The following OSR1 variants were observed in gnomAD, a reference collection of about 807,000 sequenced individuals.
OSR1 encodes the protein odd-skipped related transcription factor 1, also known as protein odd-skipped-related 1.
A neutral mutation model predicts 15.7 loss-of-function variants in OSR1; 3 were observed. The observed-to-expected ratio is 0.19, with a 90% CI of 0.09 to 0.50. The LOEUF (loss-of-function observed/expected upper bound fraction) is 0.50. OSR1 is among the 20% of genes least tolerant of loss of function. The probability of loss-of-function intolerance (pLI) is 0.97; values close to 1 mark genes in which losing one functional copy is unlikely to be tolerated. For synonymous variants in OSR1, 166 were observed against 152.7 expected, an observed-to-expected ratio of 1.09 and a Z score of -0.64; for missense variants, 271 against 351.1, an observed-to-expected ratio of 0.77 and a Z score of 1.82.
chr2:19,349,668 T>C (rs1664797502), downstream of OSR1, among the ~76,000 whole-genome samples: 1 of 152,074 alleles, frequency 6.6e-6, no homozygotes, highest in Admixed American at 6.5e-5. Flanking sequence ...CTGCAGAGGC[T>C]CGATCTTCAG....
downstream of OSR1, among the ~76,000 whole-genome samples, chr2:19,347,113 T>C (rs1664745915): frequency 6.6e-6 from 1 of 152,214 alleles, no homozygotes; most frequent in Admixed American, 6.5e-5. Context: ...TCATTTCATT[T>C]CAGGATGCCT....
intron 1 of OSR1, 129 bp from the exon 2 acceptor site, chr2:19,353,966 A>G (rs1278837858): frequency 7.8e-6 from 6 of 766,162 alleles, no homozygotes; most frequent in Non-Finnish European, 1.2e-5. Context: ...AGAGTCTAAG[A>G]CCCCATTCCC....
chr2:19,357,386 T>A lies in OSR1; in HGVS notation c.-33+955A>T, dbSNP rs1664971943. ...CAACAAAGAAACCCTTGCGGCTACTTTACACATTGAGAACCCAACCCGCTA... is the reference window on the plus strand; with the variant it reads ...CAACAAAGAAACCCTTGCGGCTACTATACACATTGAGAACCCAACCCGCTA... On this transcript the variant is annotated intron_variant, in intron 1 of 2. Coordinates refer to ENST00000272223, the MANE Select transcript of OSR1 (RefSeq NM_145260.3). The surrounding 1 kb of genome is among the most constrained non-coding windows in gnomAD (Gnocchi z 5.0). Among the ~76,000 whole-genome samples the A allele has an allele frequency of 6.6e-6, 1 of 152,166 alleles. No homozygotes were observed. Among genetic ancestry groups the A allele is most frequent in the South Asian group, 2.1e-4 (1 of 4,826 alleles).
chr2:19,355,741 C>T (rs1360552803), intron 1 of OSR1: 1 of 152,250 alleles, frequency 6.6e-6, no homozygotes, highest in African/African-American at 2.4e-5. Flanking sequence ...TGAAGCAGAG[C>T]GCTGGTGCCG....
At position 19,357,147 on chromosome 2, in the gene OSR1, G is replaced by T. The variant is rs1207357322; in HGVS notation, c.-33+1194C>A. Among the ~76,000 whole-genome samples, 1 of 152,110 alleles carries T rather than the reference G, an allele frequency of 6.6e-6. No individual in the cohort carries two copies. The highest frequency in any genetic ancestry group is 6.5e-5 in the Admixed American group (1 of 15,270). ...CCGGCTGCACTTAAATGTCCGCTGC[G>T]TCCTCGGTGATCCATTCCCCAATCT... On this transcript the variant is annotated intron_variant, in intron 1 of 2. Coordinates refer to ENST00000272223, the MANE Select transcript of OSR1 (RefSeq NM_145260.3). This position sits in a 1 kb window ranked among gnomAD's most constrained non-coding sequence, Gnocchi z 5.0.
rs1360233952 is a variant in OSR1, at chr2:19,353,829, A to G, written c.-24T>C. The G allele has an allele frequency of 1.3e-6, 2 of 1,592,736 alleles. No homozygotes were observed. Among genetic ancestry groups the G allele is most frequent in the African/African-American group, 2.7e-5 (2 of 74,600 alleles). ...ATTTCGGTAGTTGCAGTGGCTTCTC[A>G]ATCCGGATCTGCAAAGAAAAGAAGA... On this transcript the variant is annotated 5_prime_UTR_variant, in exon 2 of 3. Coordinates refer to ENST00000272223, the MANE Select transcript of OSR1 (RefSeq NM_145260.3).
downstream of OSR1, among the ~76,000 whole-genome samples, chr2:19,351,278 G>GA (rs576077359): frequency 2.3e-4 from 35 of 152,236 alleles, no homozygotes; most frequent in African/African-American, 8.4e-4. Context: ...AGGCGGAGGA[G>GA]AAAAGTAGGA....
At position 19,352,338 on chromosome 2, in the gene OSR1, G is replaced by A. The variant is rs781026028; in HGVS notation, c.738C>T (p.Leu246=). ...CGKGFCQSRT[L]AVHKTLHSQV... ...GTGAGTGTAGCGTCTTGTGGACAGCGAGAGTCCTGGACTGGCAGAATCCTT... is the reference window on the plus strand; with the variant it reads ...GTGAGTGTAGCGTCTTGTGGACAGCAAGAGTCCTGGACTGGCAGAATCCTT... Residue 246 remains leucine (L), a synonymous_variant, in exon 3 of 3, where the codon CTC becomes CTT. Transcript: ENST00000272223. 2 of 1,614,110 alleles carry A rather than the reference G, an allele frequency of 1.2e-6. No homozygotes were observed. The highest frequency in any genetic ancestry group is 2.2e-5 in the East Asian group (1 of 44,874).
rs867245773 is a variant in OSR1 at position 19,352,398 on chromosome 2, G to A, written c.678C>T (p.Ser226=). The part of the protein sequence containing the change: ...DHLRDHRYIH[S]KEKPFKCQEC... Reference sequence around the variant, plus strand: ...CTTGACACTTGAAGGGCTTCTCTTTGGAGTGAATATATCTGAGGGCAGAAA... The same window carrying A: ...CTTGACACTTGAAGGGCTTCTCTTTAGAGTGAATATATCTGAGGGCAGAAA... The change falls in exon 3 of 3, where the codon TCC becomes TCT. Residue 226 remains serine (S), a synonymous_variant. Transcript: ENST00000272223. 12 of 1,614,156 alleles carry A rather than the reference G, an allele frequency of 7.4e-6. No homozygotes were observed. In the Middle Eastern group the frequency reaches 1.8e-3, roughly 244 times the overall value.
chr2:19,352,180 G>T lies in OSR1; in HGVS notation c.*95C>A. On this transcript the variant is annotated 3_prime_UTR_variant, in exon 3 of 3. Transcript: ENST00000272223. ...GTTGGAGAGGTGGAAGGTCCCGAGCGAGCGCCTCTCCCGCTGCCCGCCAGA... is the reference window on the plus strand; with the variant it reads ...GTTGGAGAGGTGGAAGGTCCCGAGCTAGCGCCTCTCCCGCTGCCCGCCAGA... 1.4e-6 allele frequency: 2 copies of T among 1,409,120 alleles called. No individual in the cohort carries two copies. The highest frequency in any genetic ancestry group is 2.3e-5 in the East Asian group (1 of 42,948). 87.3% of individuals were successfully genotyped at this position (1,409,120 alleles called of 1,614,324 possible). A position where few individuals can be genotyped will look rare whatever the true frequency, so the allele number is the denominator to read the frequency against.
At chr2:19,347,704 G>T (rs943440620), downstream of OSR1, among the ~76,000 whole-genome samples, 5 of 152,228 alleles carry the variant, frequency 3.3e-5, no homozygotes, top group African/African-American at 1.2e-4. Flanking sequence ...CAGAGAGGCT[G>T]CCCAAAAGAG....
Position 19,353,364 on chromosome 2 carries a change from C to T in OSR1, c.442G>A (p.Gly148Ser), listed in dbSNP as rs1267644701. Residue 148 changes from glycine to serine, a missense_variant, in exon 2 of 3, where the codon GGT (glycine) becomes AGT (serine). Gly to Ser is a moderately conservative substitution (Grantham distance 56). Transcript: ENST00000272223. ...EGPGSPAGGL[G>S]ALLDVTKLSP... Reference sequence around the variant, plus strand: ...AGCTTGGTCACGTCGAGGAGGGCACCCAGCCCACCTGCAGGGGAGCCTGGG... The same window carrying T: ...AGCTTGGTCACGTCGAGGAGGGCACTCAGCCCACCTGCAGGGGAGCCTGGG... The T allele has an allele frequency of 3.7e-6, 6 of 1,614,186 alleles. No homozygotes were observed. Among genetic ancestry groups the T allele is most frequent in the African/African-American group, 1.3e-5 (1 of 75,064 alleles).
downstream of OSR1, chr2:19,348,419 A>C (rs1027069124): frequency 6.5e-6 from 1 of 154,218 alleles, no homozygotes; most frequent in Admixed American, 6.5e-5. Context: ...GACCTCATTC[A>C]AGCCTTGTGT....
At position 19,357,830 on chromosome 2, in the gene OSR1, A is replaced by G. The variant is rs5013667; in HGVS notation, c.-33+511T>C. 0.16 allele frequency: 24,399 copies of G among 152,166 alleles called. 3,355 individuals carry two copies. Among genetic ancestry groups the G allele is most frequent in the East Asian group, 0.73 (3,770 of 5,160 alleles). 9.4% of individuals were successfully genotyped at this position (152,166 alleles called of 1,614,324 possible). On this transcript the variant is annotated intron_variant, in intron 1 of 2. Coordinates refer to ENST00000272223, the MANE Select transcript of OSR1 (RefSeq NM_145260.3). The surrounding 1 kb of genome is among the most constrained non-coding windows in gnomAD (Gnocchi z 5.0). ...CTAGGCGGCCTCATACTAGAGCGCA[A>G]CTCCTCAAAAGACAAACTTGAACGA...
chr2:19,349,374 C>T (rs1017162830), downstream of OSR1, among the ~76,000 whole-genome samples: 1 of 152,188 alleles, frequency 6.6e-6, no homozygotes, highest in Admixed American at 6.5e-5. Context: ...TCTGAGTCCA[C>T]CGGGATAACA....
rs376313523 is a variant in OSR1 at position 19,353,136 on chromosome 2, C to T, written c.665+5G>A. The T allele has an allele frequency of 3.0e-5, 49 of 1,612,440 alleles. No homozygotes were observed. Among genetic ancestry groups the T allele is most frequent in the African/African-American group, 2.8e-4 (21 of 75,020 alleles). On this transcript the variant is annotated splice_donor_5th_base_variant and intron_variant, in intron 2 of 2. Transcript: ENST00000272223. ...CTCTCTCTTGCGCCACCCGCAGTGC[C>T]GCACCTGTGGTCTCGCAGGTGGTCT... is the stretch of plus-strand genomic sequence containing the variant.
downstream of OSR1, among the ~76,000 whole-genome samples, chr2:19,349,097 G>A (rs1664789522): frequency 6.6e-6 from 1 of 152,248 alleles, no homozygotes; most frequent in Non-Finnish European, 1.5e-5. Flanking sequence ...GGACTTTCTA[G>A]AGATGCATTG....
chr2:19,357,067 C>G lies in OSR1; in HGVS notation c.-33+1274G>C, dbSNP rs889876077. Among the ~76,000 whole-genome samples the G allele has an allele frequency of 3.3e-5, 5 of 152,156 alleles. 1 individual carries two copies. The highest frequency in any genetic ancestry group is 2.6e-4 in the Admixed American group (4 of 15,286). On this transcript the variant is annotated intron_variant, in intron 1 of 2. Coordinates refer to ENST00000272223, the MANE Select transcript of OSR1 (RefSeq NM_145260.3). The surrounding 1 kb of genome is among the most constrained non-coding windows in gnomAD (Gnocchi z 5.0). Reference sequence around the variant, plus strand: ...GAGGACTGACCGGCACCGGATACTTCTATAGCATTCTCCCAACAAACGAGA... The same window carrying G: ...GAGGACTGACCGGCACCGGATACTTGTATAGCATTCTCCCAACAAACGAGA...
At chr2:19,345,380 T>C in the OSR1 span, among the ~76,000 whole-genome samples, 2 of 152,036 alleles carry the variant, frequency 1.3e-5, no homozygotes, top group Non-Finnish European at 2.9e-5. Context: ...TCCTTGCCCA[T>C]GCCTATGTCC....
Sources: gnomAD v4.1 joint callset for allele counts (sites outside exome capture counted in the v4.1 genomes callset) on GRCh38, gnomAD v4.1.1 for gene constraint, Gnocchi (gnomAD v3.1) non-coding constraint, MANE v1.5 for transcripts, NCBI Gene and HGNC (gene_info 2026-07-23, HGNC 2026-07-21) for gene names.